SLC4A4: variants seen among roughly 807,000 people sequenced by gnomAD.
SLC4A4 encodes solute carrier family 4 member 4, also known as electrogenic sodium bicarbonate cotransporter 1.
Under a neutral mutation model 111.5 loss-of-function variants are expected in SLC4A4, and 27 were observed. The ratio of observed to expected loss-of-function variants is 0.24; its 90% confidence interval spans 0.18 to 0.33. The LOEUF (loss-of-function observed/expected upper bound fraction) is 0.33, where lower values mean the gene tolerates loss of function less well. Ranked by LOEUF, SLC4A4 falls within the 10% of genes least tolerant of loss-of-function variation. The pLI, the probability that SLC4A4 is intolerant of heterozygous loss-of-function variation, is 1.00. For synonymous variants in SLC4A4, 443 were observed against 463.4 expected, an observed-to-expected ratio of 0.96 and a Z score of 0.57; for missense variants, 909 against 1,315.5, an observed-to-expected ratio of 0.69 and a Z score of 4.78.
At chr4:71,154,252 A>AAGGTATGG (rs1744399648) in intron 2 of SLC4A4, among the ~76,000 whole-genome samples, 1 of 152,098 alleles carries the variant, frequency 6.6e-6, no homozygotes, top group Non-Finnish European at 1.5e-5. Context: ...TGGTATTATG[A>AAGGTATGG]AGGTATGGTA....
At chr4:71,443,116 C>CTCTCTCTCTATA (rs1198759861) in intron 8 of SLC4A4, among the ~76,000 whole-genome samples, 50 of 65,646 alleles carry the variant, frequency 7.6e-4, no homozygotes, top group African/African-American at 1.9e-3. Context: ...CTCTCTCTCT[C>CTCTCTCTCTATA]TATATATATA....
intron 2 of SLC4A4, among the ~76,000 whole-genome samples, chr4:71,125,978 G>T (rs115133105): frequency 6.6e-6 from 1 of 152,058 alleles, no homozygotes; most frequent in Non-Finnish European, 1.5e-5. Context: ...TCTATCATAC[G>T]TTTTTTCTGT....
chr4:71,116,610 T>G (rs1053171013), intron 2 of SLC4A4, among the ~76,000 whole-genome samples: 1 of 152,222 alleles, frequency 6.6e-6, no homozygotes, highest in Non-Finnish European at 1.5e-5. Context: ...GCTGGTTAAT[T>G]ACCTGGGTTA....
In SLC4A4 at chr4:71,487,134, A is replaced by G. The variant is rs1370506443; in HGVS notation, c.1974+116A>G. The G allele has an allele frequency of 4.6e-6, 3 of 648,920 alleles. No individual in the cohort carries two copies. In the African/African-American group the frequency reaches 5.5e-5, roughly 12 times the overall value. The allele number at this position is 648,920 out of a possible 1,614,324, so 40.2% of individuals were successfully genotyped here. A position where few individuals can be genotyped will look rare whatever the true frequency, so the allele number is the denominator to read the frequency against. ...CTCAGCAATTCTGGCATGAACACAT[A>G]CGTAACAATTATTGACAGTGGAGGG... is the stretch of plus-strand genomic sequence containing the variant. On this transcript the variant is annotated intron_variant, in intron 15 of 25. Transcript: ENST00000264485.
rs149707154 is a variant in SLC4A4 at position 71,168,051 on chromosome 4, T to A, written c.-1-68525T>A. Among the ~76,000 whole-genome samples, 630 of 152,158 alleles carry A rather than the reference T, an allele frequency of 4.1e-3. 8 individuals are homozygous for A. The highest frequency in any genetic ancestry group is 0.014 in the African/African-American group (591 of 41,550). ...TTTTTGTGAATACATAGTAGGTGTA[T>A]ATATTTATAGGTTACATAAAATATT... is the stretch of plus-strand genomic sequence containing the variant. On this transcript the variant is annotated intron_variant, in intron 2 of 26. Transcript: ENST00000649996.
intron 18 of SLC4A4, among the ~76,000 whole-genome samples, chr4:71,544,769 G>T (rs1367946635): frequency 2.0e-5 from 3 of 152,012 alleles, no homozygotes; most frequent in East Asian, 3.9e-4. Context: ...GGTTCTGATA[G>T]TTCTCCGTAG....
At chr4:71,173,507 A>C (rs554185737) in intron 2 of SLC4A4, among the ~76,000 whole-genome samples, 8 of 152,274 alleles carry the variant, frequency 5.3e-5, no homozygotes, top group African/African-American at 1.7e-4. Flanking sequence ...CAGCCTCCCA[A>C]GTAGCTGGGA....
chr4:71,512,754 T>C (rs1275126564), intron 16 of SLC4A4, among the ~76,000 whole-genome samples: 1 of 152,192 alleles, frequency 6.6e-6, no homozygotes, highest in Non-Finnish European at 1.5e-5. Context: ...TTCCAGTATT[T>C]TTATAGTTTT....
intron 6 of SLC4A4, among the ~76,000 whole-genome samples, chr4:71,380,185 T>G (rs1325632146): frequency 1.3e-5 from 2 of 152,220 alleles, no homozygotes; most frequent in Non-Finnish European, 2.9e-5. Context: ...TTAGATTCTT[T>G]GGTTAGGGCC....
At chr4:71,491,494 A>G (rs2149138845) in intron 15 of SLC4A4, among the ~76,000 whole-genome samples, 1 of 151,920 alleles carries the variant, frequency 6.6e-6, no homozygotes, top group Admixed American at 6.6e-5. Context: ...TTCCTTCCAC[A>G]TCCCAAACAC....
At chr4:71,125,083 C>T (rs577612449) in intron 2 of SLC4A4, among the ~76,000 whole-genome samples, 1 of 152,122 alleles carries the variant, frequency 6.6e-6, no homozygotes, top group African/African-American at 2.4e-5. Context: ...GGATTAGCTT[C>T]TAGCATATTG....
At chr4:71,249,056 A>G (rs184295009) in intron 2 of SLC4A4, among the ~76,000 whole-genome samples, 1 of 152,134 alleles carries the variant, frequency 6.6e-6, no homozygotes, top group Non-Finnish European at 1.5e-5. Context: ...GTGCTCAGTG[A>G]ACATCAAGTA....
chr4:71,235,814 T>C (rs1719759176), intron 1 of SLC4A4, among the ~76,000 whole-genome samples: 1 of 152,198 alleles, frequency 6.6e-6, no homozygotes. Flanking sequence ...GGTTACAAAA[T>C]GAAGAACTTT....
intron 4 of SLC4A4, among the ~76,000 whole-genome samples, chr4:71,348,775 T>C (rs1055862026): frequency 1.1e-4 from 16 of 151,800 alleles, no homozygotes; most frequent in Non-Finnish European, 2.9e-5. Flanking sequence ...CCTCTGGGGG[T>C]GGTAAGAGGT....
At chr4:71,125,344 G>C (rs765313663) in intron 2 of SLC4A4, among the ~76,000 whole-genome samples, 2 of 152,152 alleles carry the variant, frequency 1.3e-5, no homozygotes, top group African/African-American at 2.4e-5. Flanking sequence ...ATCCTGATAG[G>C]GGCAAGTCAC....
At chr4:71,082,449 A>G (rs1742020011) in intron 1 of SLC4A4, among the ~76,000 whole-genome samples, 1 of 152,036 alleles carries the variant, frequency 6.6e-6, no homozygotes, top group Non-Finnish European at 1.5e-5. Flanking sequence ...CTGCTAGAAC[A>G]GCCACCAAAT....
chr4:71,453,707 C>G (rs767611958), intron 12 of SLC4A4, 38 bp downstream of exon 12: 1 of 1,602,554 alleles, frequency 6.2e-7, no homozygotes, highest in Non-Finnish European at 8.5e-7. Flanking sequence ...ATAGTACAGC[C>G]CAGATTGCCT....
At chr4:71,390,486 AC>A (rs1719154695) in intron 6 of SLC4A4, among the ~76,000 whole-genome samples, 1 of 152,156 alleles carries the variant, frequency 6.6e-6, no homozygotes, top group African/African-American at 2.4e-5. Flanking sequence ...CTTCTTTGCC[AC>A]AGAGCTGTGG....
At chr4:71,536,492 A>ATATATATT (rs1246136965) in intron 18 of SLC4A4, among the ~76,000 whole-genome samples, 7 of 126,640 alleles carry the variant, frequency 5.5e-5, no homozygotes, top group Non-Finnish European at 1.0e-4. Flanking sequence ...ATATATGTAT[A>ATATATATT]TATTTATTTA....
Sources: gnomAD v4.1 joint callset for allele counts (sites outside exome capture counted in the v4.1 genomes callset) on GRCh38, gnomAD v4.1.1 for gene constraint, MANE v1.5 for transcripts, NCBI Gene and HGNC (gene_info 2026-07-23, HGNC 2026-07-21) for gene names.